Variants in GPR137B observed in about 807,000 individuals in gnomAD.
GPR137B encodes G protein-coupled receptor 137B, also known as integral membrane protein GPR137B.
Under a neutral mutation model 42.5 loss-of-function variants are expected in GPR137B, and 42 were observed. That is an observed-to-expected ratio of 0.99 (90% CI 0.77 to 1.28). GPR137B has a LOEUF of 1.28. Ranked by LOEUF, GPR137B falls within the 50% of genes most tolerant of loss-of-function variation. The pLI, the probability that GPR137B is intolerant of heterozygous loss-of-function variation, is 0.00. For missense variants in GPR137B, 487 were observed against 493.9 expected (o/e 0.99, Z 0.13); for synonymous variants, 218 against 209.7 (o/e 1.04, Z -0.34).
At chr1:236,168,135 A>C (rs1346973088) in intron 1 of GPR137B, among the ~76,000 whole-genome samples, 2 of 152,192 alleles carry the variant, frequency 1.3e-5, no homozygotes, top group Admixed American at 6.5e-5. Context: ...ATCTTAAATA[A>C]GAATCTTAAG....
intron 5 of GPR137B, among the ~76,000 whole-genome samples, chr1:236,193,767 T>G (rs1204360221): frequency 1.3e-5 from 2 of 152,238 alleles, no homozygotes; most frequent in Non-Finnish European, 2.9e-5. Flanking sequence ...TTAAATATAC[T>G]CTTAAGTCCC....
Position 236,208,856 on chromosome 1 carries a change from C to G in GPR137B, c.*698C>G. 1 of 983,444 alleles carries G rather than the reference C, an allele frequency of 1.0e-6. No individual in the cohort carries two copies. The highest frequency in any genetic ancestry group is 1.2e-6 in the Non-Finnish European group (1 of 828,194). The allele number at this position is 983,444 out of a possible 1,614,324, so 60.9% of individuals were successfully genotyped here. ...ATACACATTAATGATAAGTTGATAA[C>G]ATTAAAAATGTAGCTGACTTATCCT... On this transcript the variant is annotated 3_prime_UTR_variant, in exon 7 of 7. Transcript: ENST00000366592.
intron 5 of GPR137B, among the ~76,000 whole-genome samples, chr1:236,192,927 C>T (rs533352121): frequency 3.0e-4 from 46 of 152,130 alleles, no homozygotes; most frequent in African/African-American, 1.0e-3. Flanking sequence ...CAGAGTCTGG[C>T]TCTGTCACCC....
At chr1:236,202,828 G>A (rs1318093698) in intron 5 of GPR137B, among the ~76,000 whole-genome samples, 4 of 152,164 alleles carry the variant, frequency 2.6e-5, no homozygotes, top group Non-Finnish European at 5.9e-5. Flanking sequence ...TCTTGTAGTA[G>A]TTTCACAGTT....
intron 5 of GPR137B, among the ~76,000 whole-genome samples, chr1:236,187,754 C>CCAGCAA (rs1353329661): frequency 4.3e-5 from 3 of 69,192 alleles, no homozygotes; most frequent in African/African-American, 2.2e-4. Context: ...AGTTTGAAAT[C>CCAGCAA]AGGTAGCATG....
intron 1 of GPR137B, among the ~76,000 whole-genome samples, chr1:236,164,053 C>G (rs1662274860): frequency 6.6e-6 from 1 of 151,998 alleles, no homozygotes; most frequent in Non-Finnish European, 1.5e-5. Flanking sequence ...CCATGCCTCT[C>G]CACACCTCCC....
chr1:236,152,151 G>A (rs1267110160), intron 1 of GPR137B, among the ~76,000 whole-genome samples: 1 of 151,190 alleles, frequency 6.6e-6, no homozygotes, highest in East Asian at 1.9e-4. Context: ...TTCAACAGGT[G>A]TTTTTTTTTA....
chr1:236,146,952 G>A (rs1661698603), intron 1 of GPR137B, among the ~76,000 whole-genome samples: 2 of 152,176 alleles, frequency 1.3e-5, no homozygotes, highest in Non-Finnish European at 2.9e-5. Flanking sequence ...GAGATTACAG[G>A]TGTGCGCCAC....
intron 5 of GPR137B, among the ~76,000 whole-genome samples, chr1:236,194,174 T>C (rs1471632267): frequency 6.6e-6 from 1 of 152,142 alleles, no homozygotes; most frequent in Non-Finnish European, 1.5e-5. Context: ...CTCTATGGTG[T>C]GTATTTTTTA....
intron 5 of GPR137B, among the ~76,000 whole-genome samples, chr1:236,197,350 G>A (rs1663369002): frequency 6.6e-6 from 1 of 152,052 alleles, no homozygotes; most frequent in African/African-American, 2.4e-5. Flanking sequence ...TGTTTACTCT[G>A]CTGATTATTT....
At chr1:236,167,369 A>G (rs530019197) in intron 1 of GPR137B, among the ~76,000 whole-genome samples, 25 of 152,242 alleles carry the variant, frequency 1.6e-4, no homozygotes, top group Non-Finnish European at 2.9e-4. Flanking sequence ...GACTTACTCA[A>G]CGTGGCTGGA....
At chr1:236,195,959 C>G (rs1451890544) in intron 5 of GPR137B, among the ~76,000 whole-genome samples, 1 of 151,982 alleles carries the variant, frequency 6.6e-6, no homozygotes, top group Non-Finnish European at 1.5e-5. Context: ...ACACCTTTTC[C>G]TAATATTCTG....
rs1384542084 is a variant in GPR137B, at chr1:236,156,365, C to T, written c.415-12341C>T. ...CAGGCACACCTTGGCTTCAGGCCAC[C>T]GCCTCCCAGAACTTTATGGCATGGA... is the stretch of plus-strand genomic sequence containing the variant. On this transcript the variant is annotated intron_variant, in intron 1 of 6. Coordinates refer to ENST00000366592, the MANE Select transcript of GPR137B (RefSeq NM_003272.4). This position sits in a 1 kb window ranked among gnomAD's most constrained non-coding sequence, Gnocchi z 4.8. 4.6e-5 allele frequency among the ~76,000 whole-genome samples: 7 copies of T among 152,208 alleles called. No individual in the cohort carries two copies. The South Asian group carries it at 8.3e-4, about 18-fold the overall frequency.
chr1:236,142,723 C>T lies in GPR137B; in HGVS notation c.101C>T (p.Thr34Ile), dbSNP rs1661557005. The T allele has an allele frequency of 1.9e-6, 3 of 1,608,140 alleles. No homozygotes were observed. The highest frequency in any genetic ancestry group is 2.2e-5 in the East Asian group (1 of 44,732). The change falls in exon 1 of 7, where the codon ACC (threonine) becomes ATC (isoleucine). Residue 34 changes from threonine to isoleucine, a missense_variant. By Grantham distance (89) the Thr-to-Ile change is moderately conservative. Transcript: ENST00000366592. ...AACGACTCGCTGCCGCCCACGCTGA[C>T]CCCGGCCGTGCCCCCCTACGTGAAG... ...ARNDSLPPTLTPAVPPYVKLG... is the reference protein window; with the variant it reads ...ARNDSLPPTLIPAVPPYVKLG...
chr1:236,161,498 C>T (rs6672832), intron 1 of GPR137B, among the ~76,000 whole-genome samples: 9 of 151,184 alleles, frequency 6.0e-5, no homozygotes, highest in East Asian at 3.9e-4. Context: ...CACCTCCTCA[C>T]GCCTCCCACT....
chr1:236,178,894 T>C (rs1662784307), intron 3 of GPR137B, among the ~76,000 whole-genome samples: 2 of 139,568 alleles, frequency 1.4e-5, no homozygotes, highest in African/African-American at 5.3e-5. Context: ...GCCTCCCAGG[T>C]TCACGCCATT....
intron 5 of GPR137B, among the ~76,000 whole-genome samples, chr1:236,201,881 A>G (rs897974074): frequency 4.0e-5 from 6 of 151,732 alleles, no homozygotes; most frequent in African/African-American, 1.2e-4. Context: ...TGGGTAGACT[A>G]TTTCACTGGA....
At chr1:236,172,740 G>A (rs73122906) in intron 2 of GPR137B, among the ~76,000 whole-genome samples, 22,284 of 150,376 alleles carry the variant, frequency 0.15, 1,901 homozygotes, top group Admixed American at 0.25. Flanking sequence ...GTGCAGTGGC[G>A]GTGGTGCAAT....
rs1421945662 is a variant in GPR137B at position 236,142,612 on chromosome 1, CGTGAGCCCCG to C, written c.-10_-1del. 2.1e-5 allele frequency: 28 copies of C among 1,330,032 alleles called. No homozygotes were observed. Among genetic ancestry groups the C allele is most frequent in the Non-Finnish European group, 2.6e-5 (27 of 1,048,782 alleles). The allele number at this position is 1,330,032 out of a possible 1,614,324, so 82.4% of individuals were successfully genotyped here. ...AGACCCCCGCGGGGGCGGCGGCGGC[CGTGAGCCCCG>C]ATGAGGCCCGAGCGTCCCCGGCCGC... On this transcript the variant is annotated 5_prime_UTR_variant, in exon 1 of 7. Coordinates refer to ENST00000366592, the MANE Select transcript of GPR137B (RefSeq NM_003272.4).
Sources: allele counts gnomAD v4.1 joint callset (sites outside exome capture counted in the v4.1 genomes callset), GRCh38; gene constraint gnomAD v4.1.1; non-coding constraint Gnocchi (gnomAD v3.1); transcripts MANE v1.5; gene names NCBI Gene and HGNC (gene_info 2026-07-23, HGNC 2026-07-21).